The following PTPRG variants were observed in gnomAD, a reference collection of about 807,000 sequenced individuals.
PTPRG encodes receptor-type tyrosine-protein phosphatase gamma.
PTPRG carries 102 observed loss-of-function variants against 165.3 expected under a neutral mutation model. That is an observed-to-expected ratio of 0.62 (90% CI 0.53 to 0.73). The LOEUF (loss-of-function observed/expected upper bound fraction) is 0.73. PTPRG is among the 30% of genes least tolerant of loss of function. The pLI, the probability that PTPRG is intolerant of heterozygous loss-of-function variation, is 0.00. For missense variants in PTPRG, 1,866 were observed against 1,861.4 expected (o/e 1.00, Z -0.05); for synonymous variants, 675 against 669.5 (o/e 1.01, Z -0.13).
intron 1 of PTPRG, among the ~76,000 whole-genome samples, chr3:61,592,103 A>G (rs1417195536): frequency 6.6e-6 from 1 of 151,762 alleles, no homozygotes; most frequent in African/African-American, 2.4e-5. Flanking sequence ...CCTCCCGAGC[A>G]GCTGGGATTA....
At chr3:61,957,873 G>A (rs1257151166) in intron 2 of PTPRG, among the ~76,000 whole-genome samples, 1 of 152,150 alleles carries the variant, frequency 6.6e-6, no homozygotes, top group Non-Finnish European at 1.5e-5. Flanking sequence ...ACACTTAGGT[G>A]GTTTGACCAC....
intron 4 of PTPRG, among the ~76,000 whole-genome samples, chr3:62,048,781 A>G (rs767482761): frequency 7.2e-5 from 11 of 152,192 alleles, no homozygotes; most frequent in Non-Finnish European, 1.2e-4. Context: ...CTGTGTCATC[A>G]CATTTCATTT....
At chr3:61,885,441 C>G (rs1299286650) in intron 2 of PTPRG, among the ~76,000 whole-genome samples, 1 of 151,432 alleles carries the variant, frequency 6.6e-6, no homozygotes, top group Non-Finnish European at 1.5e-5. Context: ...TGTACATATG[C>G]ACATTAATTC....
chr3:61,994,995 G>A (rs1003046387), intron 3 of PTPRG, among the ~76,000 whole-genome samples: 6 of 151,696 alleles, frequency 4.0e-5, no homozygotes, highest in Non-Finnish European at 8.8e-5. Context: ...GGATGTGTGA[G>A]CCTTACTGAG....
chr3:61,795,617 G>GTGACAGGT (rs1454069362), intron 2 of PTPRG, among the ~76,000 whole-genome samples: 2 of 130,938 alleles, frequency 1.5e-5, no homozygotes, highest in Non-Finnish European at 3.1e-5. Context: ...TCCAGCCTGG[G>GTGACAGGT]TGACAGAGCA....
At chr3:61,740,884 G>A (rs1048678657) in intron 1 of PTPRG, among the ~76,000 whole-genome samples, 1 of 152,034 alleles carries the variant, frequency 6.6e-6, no homozygotes, top group Non-Finnish European at 1.5e-5. Context: ...TTGTATTTGA[G>A]GTTAGCTCAG....
chr3:61,857,432 T>A (rs1053111356), intron 2 of PTPRG, among the ~76,000 whole-genome samples: 8 of 152,188 alleles, frequency 5.3e-5, no homozygotes, highest in Non-Finnish European at 7.3e-5. Flanking sequence ...TGATTAATGA[T>A]GTCTGCCATG....
At chr3:62,055,453 A>T (rs752532287) in intron 4 of PTPRG, among the ~76,000 whole-genome samples, 3 of 152,316 alleles carry the variant, frequency 2.0e-5, no homozygotes, top group South Asian at 4.1e-4. Context: ...TTTCATAGCA[A>T]CCTCAATAAC....
At chr3:62,204,658 C>T (rs1029341438) in intron 12 of PTPRG, among the ~76,000 whole-genome samples, 1 of 152,194 alleles carries the variant, frequency 6.6e-6, no homozygotes, top group African/African-American at 2.4e-5. Flanking sequence ...TCATGGAAAC[C>T]TACAGAATGA....
At chr3:62,128,838 T>A (rs17066165) in intron 5 of PTPRG, among the ~76,000 whole-genome samples, 7,081 of 151,522 alleles carry the variant, frequency 0.047, 360 homozygotes, top group African/African-American at 0.14. Flanking sequence ...AATTTTTTTT[T>A]AAGTGGCAAA....
At position 62,007,693 on chromosome 3, in the gene PTPRG, A is replaced by G. The variant is rs138655161; in HGVS notation, c.519+4196A>G. On this transcript the variant is annotated intron_variant, in intron 4 of 29. Coordinates refer to ENST00000474889, the MANE Select transcript of PTPRG (RefSeq NM_002841.4). Reference sequence around the variant, plus strand: ...CATTGGTCATGTAAATATATGTGCAATTTCATTTGTGTTATAGTCTGAAGT... The same window carrying G: ...CATTGGTCATGTAAATATATGTGCAGTTTCATTTGTGTTATAGTCTGAAGT... Among the ~76,000 whole-genome samples the G allele has an allele frequency of 8.3e-3, 1,262 of 152,354 alleles. 6 individuals carry two copies. The highest frequency in any genetic ancestry group is 0.015 in the Non-Finnish European group (1,024 of 68,036).
intron 1 of PTPRG, among the ~76,000 whole-genome samples, chr3:61,608,539 C>A (rs142733898): frequency 1.3e-5 from 2 of 152,154 alleles, no homozygotes; most frequent in East Asian, 3.9e-4. Context: ...AGCCATCCTG[C>A]TGCCAGCCTG....
intron 2 of PTPRG, among the ~76,000 whole-genome samples, chr3:61,913,250 C>T (rs1010543103): frequency 1.3e-5 from 2 of 152,134 alleles, no homozygotes; most frequent in Admixed American, 6.5e-5. Flanking sequence ...GACGGAGTCT[C>T]GCTCTATCAC....
At chr3:62,278,163 C>T (rs1175151732) in intron 26 of PTPRG, among the ~76,000 whole-genome samples, 1 of 152,082 alleles carries the variant, frequency 6.6e-6, no homozygotes, top group South Asian at 2.1e-4. Flanking sequence ...AGAGAGCACA[C>T]ACAAGTAACT....
At chr3:61,856,486 C>G (rs900576392) in intron 2 of PTPRG, among the ~76,000 whole-genome samples, 3 of 152,196 alleles carry the variant, frequency 2.0e-5, no homozygotes, top group African/African-American at 7.2e-5. Flanking sequence ...TTCTTTTCAT[C>G]ATTTCTGATT....
chr3:61,863,523 A>G (rs903480337), intron 2 of PTPRG, among the ~76,000 whole-genome samples: 2 of 152,236 alleles, frequency 1.3e-5, no homozygotes, highest in Admixed American at 6.5e-5. Flanking sequence ...GCCTTCTCTC[A>G]GATGTCAAGT....
chr3:61,596,900 T>C (rs1700715717), intron 1 of PTPRG, among the ~76,000 whole-genome samples: 1 of 152,164 alleles, frequency 6.6e-6, no homozygotes, highest in African/African-American at 2.4e-5. Flanking sequence ...GTAACATATG[T>C]CTTAGTCCAT....
At chr3:61,776,898 G>A (rs979826780) in intron 2 of PTPRG, among the ~76,000 whole-genome samples, 4 of 151,852 alleles carry the variant, frequency 2.6e-5, no homozygotes, top group South Asian at 2.1e-4. Flanking sequence ...ATTATTGCAC[G>A]CCTGTATAAC....
At chr3:62,287,349 G>A (rs1702703370) in intron 28 of PTPRG, among the ~76,000 whole-genome samples, 1 of 151,844 alleles carries the variant, frequency 6.6e-6, no homozygotes, top group Non-Finnish European at 1.5e-5. Flanking sequence ...TGCTGAACAA[G>A]AACCAAAAAC....
Sources: gnomAD v4.1 joint callset for allele counts (sites outside exome capture counted in the v4.1 genomes callset) on GRCh38, gnomAD v4.1.1 for gene constraint, MANE v1.5 for transcripts, NCBI Gene and HGNC (gene_info 2026-07-23, HGNC 2026-07-21) for gene names.